Variants in MAML3 observed in about 807,000 individuals in gnomAD.
MAML3 encodes the protein mastermind-like protein 3.
Under a neutral mutation model 101.9 loss-of-function variants are expected in MAML3, and 27 were observed. That is an observed-to-expected ratio of 0.27 (90% CI 0.20 to 0.37). The LOEUF is 0.37. Ranked by LOEUF, MAML3 falls within the 10% of genes least tolerant of loss-of-function variation. The pLI is 1.00. For missense variants in MAML3, 1,316 were observed against 1,444.9 expected, an observed-to-expected ratio of 0.91 and a Z score of 1.45; for synonymous variants, 501 against 555.9, an observed-to-expected ratio of 0.90 and a Z score of 1.39.
chr4:140,035,049 A>G (rs975490943), intron 1 of MAML3, among the ~76,000 whole-genome samples: 1 of 152,192 alleles, frequency 6.6e-6, no homozygotes, highest in Non-Finnish European at 1.5e-5. Flanking sequence ...GGCTCACTGC[A>G]ACCTCTGCCT....
chr4:139,869,325 G>A (rs1446618718), intron 2 of MAML3, among the ~76,000 whole-genome samples: 1 of 152,110 alleles, frequency 6.6e-6, no homozygotes, highest in Non-Finnish European at 1.5e-5. Flanking sequence ...TCGAGCTGCG[G>A]ATCTATGTTC....
intron 2 of MAML3, among the ~76,000 whole-genome samples, chr4:139,753,780 T>C (rs1729583018): frequency 6.6e-6 from 1 of 152,106 alleles, no homozygotes; most frequent in South Asian, 2.1e-4. Flanking sequence ...ATCTCTCCTT[T>C]CTCTCATGCA....
chr4:139,741,191 T>C (rs1363835747), intron 2 of MAML3, among the ~76,000 whole-genome samples: 1 of 152,038 alleles, frequency 6.6e-6, no homozygotes, highest in East Asian at 1.9e-4. Context: ...CAGAAACACT[T>C]AGAAATCTGG....
intron 2 of MAML3, among the ~76,000 whole-genome samples, chr4:139,748,562 A>C (rs1430541285): frequency 6.6e-6 from 1 of 152,178 alleles, no homozygotes; most frequent in Admixed American, 6.5e-5. Flanking sequence ...AGTCAGGCTG[A>C]GAAGAGGCCA....
At chr4:139,892,800 G>A (rs1302466278) in intron 1 of MAML3, among the ~76,000 whole-genome samples, 2 of 151,880 alleles carry the variant, frequency 1.3e-5, no homozygotes, top group Non-Finnish European at 2.9e-5. Flanking sequence ...GCGTGGTGGC[G>A]GGCGCCTTTA....
rs146409232 is a variant in MAML3, at chr4:140,057,374, A to C, written c.468+95486T>G. ...AAGAAGACAAAATCTTTTTGTCTTA[A>C]ATCTTTTCTGTTTTACCAACATTAA... On this transcript the variant is annotated intron_variant, in intron 1 of 4. Transcript: ENST00000509479. Among the ~76,000 whole-genome samples, 378 of 152,334 alleles carry C rather than the reference A, an allele frequency of 2.5e-3. 1 individual carries two copies. The highest frequency in any genetic ancestry group is 8.5e-3 in the African/African-American group (355 of 41,564).
chr4:139,906,380 GTT>G (rs1288763869), intron 1 of MAML3, among the ~76,000 whole-genome samples: 3 of 152,202 alleles, frequency 2.0e-5, no homozygotes, highest in African/African-American at 7.2e-5. Context: ...GGAGGCAAAA[GTT>G]AGCCTGCCAT....
At chr4:140,058,594 A>C (rs1395592719) in intron 1 of MAML3, among the ~76,000 whole-genome samples, 1 of 140,848 alleles carries the variant, frequency 7.1e-6, no homozygotes, top group Non-Finnish European at 1.6e-5. Context: ...CATTATTGTT[A>C]ATCTATATTT....
At chr4:139,870,890 G>A (rs774973072) in intron 2 of MAML3, among the ~76,000 whole-genome samples, 1 of 152,038 alleles carries the variant, frequency 6.6e-6, no homozygotes, top group Admixed American at 6.6e-5. Context: ...GGAAAAATGA[G>A]GAAATTCAGA....
intron 1 of MAML3, among the ~76,000 whole-genome samples, chr4:139,970,041 G>A (rs868546901): frequency 1.3e-5 from 2 of 152,182 alleles, no homozygotes; most frequent in Non-Finnish European, 2.9e-5. Context: ...TGGGTATGAG[G>A]TCAGTGGGTT....
rs114526865 is a variant in MAML3, at chr4:140,080,265, C to T, written c.468+72595G>A. ...AAATGCCTGCAGAAAAGGCAAACAG[C>T]TGAAATGTCTCTTCTTTAGGCTTTT... On this transcript the variant is annotated intron_variant, in intron 1 of 4. Coordinates refer to ENST00000509479, the MANE Select transcript of MAML3 (RefSeq NM_018717.5). 6.7e-3 allele frequency among the ~76,000 whole-genome samples: 1,023 copies of T among 152,330 alleles called. 10 individuals carry two copies. Among genetic ancestry groups the T allele is most frequent in the African/African-American group, 0.023 (965 of 41,568 alleles).
chr4:139,873,501 G>A (rs1454637910), intron 2 of MAML3, among the ~76,000 whole-genome samples: 2 of 152,242 alleles, frequency 1.3e-5, no homozygotes, highest in Non-Finnish European at 2.9e-5. Context: ...CTCTCCTGGA[G>A]TGTGGCTGGA....
intron 1 of MAML3, among the ~76,000 whole-genome samples, chr4:139,891,225 G>A (rs1458893544): frequency 6.6e-6 from 1 of 152,204 alleles, no homozygotes; most frequent in Non-Finnish European, 1.5e-5. Flanking sequence ...AAAGAAAAGA[G>A]ATAGTTAATA....
chr4:139,857,806 T>C (rs2667370), intron 2 of MAML3, among the ~76,000 whole-genome samples: 118,587 of 152,154 alleles, frequency 0.78, 46,394 homozygotes, highest in South Asian at 0.83. Flanking sequence ...ACTACTGGAG[T>C]CTTCCCTACT....
chr4:139,986,368 C>T (rs969139947), intron 1 of MAML3, among the ~76,000 whole-genome samples: 7 of 152,118 alleles, frequency 4.6e-5, no homozygotes, highest in African/African-American at 1.7e-4. Context: ...GGAAGAAAGC[C>T]GAGAAAATGG....
intron 1 of MAML3, among the ~76,000 whole-genome samples, chr4:139,914,906 A>C (rs1007023439): frequency 6.6e-6 from 1 of 152,194 alleles, no homozygotes; most frequent in Admixed American, 6.5e-5. Context: ...CCCAATTTCC[A>C]CATGTTTTGG....
At chr4:139,874,793 C>T (rs572107921) in intron 2 of MAML3, among the ~76,000 whole-genome samples, 5 of 145,514 alleles carry the variant, frequency 3.4e-5, no homozygotes, top group Admixed American at 2.9e-4. Context: ...TGATTATCAT[C>T]CCCTATCTTT....
At chr4:140,034,595 C>T (rs62345562) in intron 1 of MAML3, among the ~76,000 whole-genome samples, 2 of 152,104 alleles carry the variant, frequency 1.3e-5, no homozygotes, top group East Asian at 1.9e-4. Flanking sequence ...TGCTCCATAA[C>T]GCCATATAGC....
intron 1 of MAML3, among the ~76,000 whole-genome samples, chr4:140,065,277 T>TA (rs1297943358): frequency 2.0e-5 from 3 of 151,816 alleles, no homozygotes; most frequent in Non-Finnish European, 4.4e-5. Context: ...TATTTGGACT[T>TA]ACGGTTTGCT....
Sources: allele counts gnomAD v4.1 joint callset (sites outside exome capture counted in the v4.1 genomes callset), GRCh38; gene constraint gnomAD v4.1.1; transcripts MANE v1.5; gene names NCBI Gene and HGNC (gene_info 2026-07-23, HGNC 2026-07-21).